TRPC1: variants seen among roughly 807,000 people sequenced by gnomAD.
TRPC1 encodes the protein transient receptor potential cation channel subfamily C member 1, also known as short transient receptor potential channel 1.
Under a neutral mutation model 88.2 loss-of-function variants are expected in TRPC1, and 42 were observed. The observed-to-expected ratio is 0.48, with a 90% CI of 0.37 to 0.62. TRPC1 has a LOEUF of 0.62. Ranked by LOEUF, TRPC1 falls within the 20% of genes least tolerant of loss-of-function variation. The pLI is 0.00. For synonymous variants in TRPC1, 288 were observed against 331.8 expected, an observed-to-expected ratio of 0.87 and a Z score of 1.43; for missense variants, 699 against 957.3, an observed-to-expected ratio of 0.73 and a Z score of 3.56.
rs147419286 is a variant in TRPC1 at position 142,731,499 on chromosome 3, C to T, written c.173-4880C>T. 6.9e-3 allele frequency among the ~76,000 whole-genome samples: 1,044 copies of T among 151,068 alleles called. 29 individuals are homozygous for T. In the East Asian group the frequency reaches 0.09, roughly 13 times the overall value. ...TCCCACGTTCACGCCATTCTCCTGC[C>T]TCAGCCTCCCAAGTAGCTGGGACTA... On this transcript the variant is annotated intron_variant, in intron 1 of 12. Coordinates refer to ENST00000476941, the MANE Select transcript of TRPC1 (RefSeq NM_001251845.2).
chr3:142,746,806 C>G (rs187293399), intron 3 of TRPC1, among the ~76,000 whole-genome samples: 2 of 151,478 alleles, frequency 1.3e-5, no homozygotes, highest in East Asian at 1.9e-4. Context: ...TTCAGTGAGC[C>G]GAGATAGTGC....
intron 4 of TRPC1, among the ~76,000 whole-genome samples, chr3:142,755,023 C>G (rs1934908868): frequency 2.0e-5 from 3 of 152,104 alleles, no homozygotes; most frequent in Admixed American, 6.6e-5. Flanking sequence ...ATTGTTCAAT[C>G]CCAATTTTCA....
chr3:142,738,191 TAGTA>T (rs1318193706), intron 2 of TRPC1, among the ~76,000 whole-genome samples: 3 of 152,168 alleles, frequency 2.0e-5, no homozygotes, highest in African/African-American at 4.8e-5. Context: ...GTTCTAAAAT[TAGTA>T]AGGACAAGAC....
intron 4 of TRPC1, among the ~76,000 whole-genome samples, chr3:142,766,743 C>T (rs530164538): frequency 7.2e-4 from 110 of 152,160 alleles, no homozygotes; most frequent in Admixed American, 3.3e-3. Flanking sequence ...TCTTCAGTTT[C>T]GGAACTCAGA....
At chr3:142,755,296 G>C (rs1934921528) in intron 4 of TRPC1, among the ~76,000 whole-genome samples, 1 of 152,000 alleles carries the variant, frequency 6.6e-6, no homozygotes, top group African/African-American at 2.4e-5. Context: ...GTGGTGGCAG[G>C]CACCTGTAAT....
At chr3:142,736,630 C>T in intron 2 of TRPC1, 97 bp downstream of exon 2, 1 of 1,108,778 alleles carries the variant, frequency 9.0e-7, no homozygotes, top group Non-Finnish European at 1.2e-6. Flanking sequence ...TTTTCCTCCT[C>T]TTCTTCCTTT....
At chr3:142,733,536 A>G (rs1934012907) in intron 1 of TRPC1, among the ~76,000 whole-genome samples, 1 of 152,142 alleles carries the variant, frequency 6.6e-6, no homozygotes, top group Non-Finnish European at 1.5e-5. Context: ...AAAACTTTAA[A>G]GCTGGAATAT....
At chr3:142,725,672 G>A (rs9877670) in intron 1 of TRPC1, among the ~76,000 whole-genome samples, 4,391 of 152,124 alleles carry the variant, frequency 0.029, 230 homozygotes, top group African/African-American at 0.1. Context: ...AATTTATATG[G>A]CTGTACACTT....
rs938811020 is a variant in TRPC1, at chr3:142,777,676, T to C, written c.677T>C (p.Ile226Thr). 1.2e-6 allele frequency: 2 copies of C among 1,612,840 alleles called. No homozygotes were observed. Among genetic ancestry groups the C allele is most frequent in the Non-Finnish European group, 1.7e-6 (2 of 1,179,144 alleles). The part of the protein sequence containing the change: ...IYRCLASPAL[I>T]MLTEEDPILR... ...CGATGTTTGGCCAGTCCAGCTCTAA[T>C]AATGTTAACAGAGGAGGATCCAATT... The change falls in exon 5 of 13, where the codon ATA (isoleucine) becomes ACA (threonine). Residue 226 changes from isoleucine (I) to threonine (T), a missense_variant. This residue lies in a region of TRPC1 where 426 missense variants were observed against 641.3 expected (regional missense o/e 0.66). Coordinates refer to ENST00000476941, the MANE Select transcript of TRPC1 (RefSeq NM_001251845.2).
At chr3:142,735,775 GGT>G (rs111288637) in intron 1 of TRPC1, among the ~76,000 whole-genome samples, 13 of 150,168 alleles carry the variant, frequency 8.7e-5, no homozygotes, top group Non-Finnish European at 1.0e-4. Context: ...TTAATGAGAT[GGT>G]GTGTGTGTGT....
chr3:142,774,373 T>C (rs897488619), intron 4 of TRPC1, among the ~76,000 whole-genome samples: 5 of 152,232 alleles, frequency 3.3e-5, no homozygotes, highest in African/African-American at 1.2e-4. Flanking sequence ...GGTCCACTGC[T>C]TGCCTCAACT....
In TRPC1 at chr3:142,806,868, T is replaced by C. The variant is rs1560124478; in HGVS notation, c.*633T>C. 6.6e-6 allele frequency: 1 copy of C among 152,036 alleles called. No individual in the cohort carries two copies. Among genetic ancestry groups the C allele is most frequent in the Non-Finnish European group, 1.5e-5 (1 of 67,974 alleles). The allele number at this position is 152,036 out of a possible 1,614,324, so 9.4% of individuals were successfully genotyped here. On this transcript the variant is annotated 3_prime_UTR_variant, in exon 13 of 13. Coordinates refer to ENST00000476941, the MANE Select transcript of TRPC1 (RefSeq NM_001251845.2). ...TTACTTTTACATGGTTATAATCACTTTATATTTTTAATGTTTTTTTCACTT... is the reference window on the plus strand; with the variant it reads ...TTACTTTTACATGGTTATAATCACTCTATATTTTTAATGTTTTTTTCACTT...
intron 6 of TRPC1, among the ~76,000 whole-genome samples, chr3:142,781,653 A>G (rs993327651): frequency 1.3e-5 from 2 of 152,154 alleles, no homozygotes; most frequent in Non-Finnish European, 2.9e-5. Flanking sequence ...ACATATACAT[A>G]TGATCCAGGA....
intron 7 of TRPC1, among the ~76,000 whole-genome samples, chr3:142,787,797 A>T (rs980220573): frequency 3.9e-5 from 6 of 152,236 alleles, no homozygotes; most frequent in African/African-American, 1.4e-4. Flanking sequence ...TAAGCATATT[A>T]TAGGGGCATT....
chr3:142,772,029 A>G (rs922883771), intron 4 of TRPC1, among the ~76,000 whole-genome samples: 6 of 152,138 alleles, frequency 3.9e-5, no homozygotes, highest in Non-Finnish European at 8.8e-5. Flanking sequence ...CTGAGAAGTC[A>G]GCTGTTAATA....
At chr3:142,771,737 A>G (rs1177725143) in intron 4 of TRPC1, among the ~76,000 whole-genome samples, 1 of 152,184 alleles carries the variant, frequency 6.6e-6, no homozygotes, top group Non-Finnish European at 1.5e-5. Context: ...TTACATTTCT[A>G]TGTTATAGGC....
intron 1 of TRPC1, among the ~76,000 whole-genome samples, chr3:142,733,170 A>G (rs1000585509): frequency 1.3e-5 from 2 of 151,774 alleles, no homozygotes; most frequent in Non-Finnish European, 2.9e-5. Context: ...ATTTTTAGGG[A>G]TTTTCTTTCT....
intron 1 of TRPC1, among the ~76,000 whole-genome samples, chr3:142,728,530 AGGC>A (rs1933772476): frequency 6.6e-6 from 1 of 152,090 alleles, no homozygotes; most frequent in African/African-American, 2.4e-5. Flanking sequence ...CATGTTGGCC[AGGC>A]TGGTCTCAAA....
chr3:142,728,340 T>TC (rs1933763615), intron 1 of TRPC1, among the ~76,000 whole-genome samples: 2 of 151,830 alleles, frequency 1.3e-5, no homozygotes, highest in East Asian at 3.9e-4. Flanking sequence ...TATTTCTTTT[T>TC]TTTTTTTTTT....
Sources: gnomAD v4.1 joint callset for allele counts (sites outside exome capture counted in the v4.1 genomes callset) on GRCh38, gnomAD v4.1.1 for gene constraint, gnomAD v4.1.1 regional missense constraint, MANE v1.5 for transcripts, NCBI Gene and HGNC (gene_info 2026-07-23, HGNC 2026-07-21) for gene names.